The following NAA11 variants were observed in gnomAD, a reference collection of about 807,000 sequenced individuals.
NAA11 encodes the protein N-alpha-acetyltransferase 11, NatA catalytic subunit.
In NAA11, 15 loss-of-function variants were observed where a neutral mutation model predicts 16.1. The ratio of observed to expected loss-of-function variants is 0.93; its 90% CI spans 0.62 to 1.44. The LOEUF is 1.44. Ranked by LOEUF, NAA11 falls within the 40% of genes most tolerant of loss-of-function variation. The probability of loss-of-function intolerance (pLI) is 0.00; values close to 1 mark genes in which losing one functional copy is unlikely to be tolerated. For missense variants in NAA11, 298 were observed against 291.3 expected (o/e 1.02, Z -0.17); for synonymous variants, 122 against 112.4 (o/e 1.09, Z -0.54).
chr4:79,245,705 G>A (rs1721801980), intron 2 of NAA11, among the ~76,000 whole-genome samples: 1 of 151,152 alleles, frequency 6.6e-6, no homozygotes. Flanking sequence ...GTCTCTGCCT[G>A]TTCGCCCCCT....
At chr4:79,260,016 A>G (rs1052176995) in intron 2 of NAA11, among the ~76,000 whole-genome samples, 1 of 152,186 alleles carries the variant, frequency 6.6e-6, no homozygotes, top group Non-Finnish European at 1.5e-5. Context: ...ACTCATGCTT[A>G]ATTGTAGGCT....
At chr4:79,238,265 A>G (rs2109959644) in intron 2 of NAA11, among the ~76,000 whole-genome samples, 1 of 152,334 alleles carries the variant, frequency 6.6e-6, no homozygotes, top group Non-Finnish European at 1.5e-5. Flanking sequence ...CAATTTTCTG[A>G]ATTAAAAAAG....
intron 2 of NAA11, among the ~76,000 whole-genome samples, chr4:79,267,425 ACT>A (rs1476360754): frequency 2.0e-5 from 3 of 152,120 alleles, no homozygotes; most frequent in Admixed American, 6.5e-5. Flanking sequence ...TGAGATTCAG[ACT>A]CTGAACATTT....
intron 1 of NAA11, among the ~76,000 whole-genome samples, chr4:79,308,018 C>G (rs1327546329): frequency 6.6e-6 from 1 of 151,850 alleles, no homozygotes; most frequent in African/African-American, 2.4e-5. Context: ...TGGGAAACAC[C>G]AAGATAATTA....
At chr4:79,273,552 G>A (rs1722549094) in intron 2 of NAA11, among the ~76,000 whole-genome samples, 2 of 151,890 alleles carry the variant, frequency 1.3e-5, no homozygotes, top group African/African-American at 4.8e-5. Context: ...AGGTACCACT[G>A]GTCTTTTTAA....
the NAA11 span, chr4:79,196,013 A>T: frequency 1.3e-5 from 2 of 152,218 alleles, no homozygotes; most frequent in African/African-American, 4.8e-5. Context: ...ATGGACTAAT[A>T]CACCTGCCAT....
rs1442682535 is a variant in NAA11, at chr4:79,243,751, C to T, written c.*123-17481G>A. Among the ~76,000 whole-genome samples the T allele has an allele frequency of 2.6e-5, 4 of 152,014 alleles. No individual in the cohort carries two copies. The East Asian group carries it at 7.7e-4, about 29-fold the overall frequency. ...AAAGAGATCGAAGCAAGTTTCAGAGCAGGAGTGGAAGTTTATTTAAAAGGC... is the reference window on the plus strand; with the variant it reads ...AAAGAGATCGAAGCAAGTTTCAGAGTAGGAGTGGAAGTTTATTTAAAAGGC... On this transcript the variant is annotated intron_variant and NMD_transcript_variant, in intron 2 of 2. Coordinates refer to the NAA11 transcript ENST00000511542.
chr4:79,312,434 T>C (rs997928888), downstream of NAA11, among the ~76,000 whole-genome samples: 5 of 152,042 alleles, frequency 3.3e-5, no homozygotes, highest in East Asian at 1.9e-4. Context: ...GTAGATCACC[T>C]GAGGTTAGGA....
At position 79,285,101 on chromosome 4, in the gene NAA11, T is replaced by C. The variant is rs528993787; in HGVS notation, c.*122+8904A>G. 7.2e-5 allele frequency among the ~76,000 whole-genome samples: 11 copies of C among 152,202 alleles called. No individual in the cohort carries two copies. The South Asian group carries it at 1.7e-3, about 23-fold the overall frequency. ...GTAGATGGTGGTCTTAAGTTGCAAG[T>C]TGCTTTTACGCTAACACCTGTCAGC... On this transcript the variant is annotated intron_variant and NMD_transcript_variant, in intron 2 of 2. Coordinates refer to the NAA11 transcript ENST00000511542.
the NAA11 span, among the ~76,000 whole-genome samples, chr4:79,189,145 C>CAAAAAAAAAAAAAACA: frequency 4.7e-5 from 2 of 42,298 alleles, no homozygotes; most frequent in East Asian, 2.3e-3. Context: ...GACTCCATCT[C>CAAAAAAAAAAAAAACA]AAAAAAAAAA....
At chr4:79,159,164 GAGA>G in the NAA11 span, among the ~76,000 whole-genome samples, 39 of 152,332 alleles carry the variant, frequency 2.6e-4, 1 homozygote, top group African/African-American at 8.9e-4. Flanking sequence ...CACAGAGTGG[GAGA>G]AGATCTTTGC....
the NAA11 span, among the ~76,000 whole-genome samples, chr4:79,165,085 G>A: frequency 7.9e-5 from 12 of 152,326 alleles, no homozygotes; most frequent in East Asian, 9.6e-4. Flanking sequence ...TGCATATGCC[G>A]GAGCTGGGAA....
At chr4:79,241,957 C>T (rs1009628827) in intron 2 of NAA11, among the ~76,000 whole-genome samples, 1 of 152,152 alleles carries the variant, frequency 6.6e-6, no homozygotes, top group Non-Finnish European at 1.5e-5. Flanking sequence ...TTGTAGTTGG[C>T]ATGATGTTAA....
the NAA11 span, among the ~76,000 whole-genome samples, chr4:79,176,184 G>A: frequency 6.6e-6 from 1 of 152,086 alleles, no homozygotes; most frequent in Admixed American, 6.6e-5. Context: ...AGAGCCTGCT[G>A]GTTTTGACCT....
chr4:79,229,932 C>T lies in NAA11; in HGVS notation c.*123-3662G>A, dbSNP rs184372015. On this transcript the variant is annotated intron_variant and NMD_transcript_variant, in intron 2 of 2. Transcript: ENST00000511542. ...TGTGAAACAAATCAAGATGCTGCCA[C>T]ATTTATTGGTACCTAGTCTATATTT... Among the ~76,000 whole-genome samples the T allele has an allele frequency of 2.2e-4, 33 of 152,054 alleles. No homozygotes were observed. The East Asian group carries it at 6.2e-3, about 29-fold the overall frequency.
the NAA11 span, among the ~76,000 whole-genome samples, chr4:79,170,317 T>G: frequency 6.6e-6 from 1 of 152,348 alleles, no homozygotes; most frequent in Admixed American, 6.5e-5. Flanking sequence ...TCACCAGTCT[T>G]GCTTCCACCT....
At chr4:79,197,933 G>A in the NAA11 span, among the ~76,000 whole-genome samples, 1 of 151,926 alleles carries the variant, frequency 6.6e-6, no homozygotes, top group Admixed American at 6.6e-5. Context: ...GTGTGGGTGA[G>A]TAGATAGGAA....
chr4:79,186,497 CA>C, the NAA11 span, among the ~76,000 whole-genome samples: 2 of 152,098 alleles, frequency 1.3e-5, no homozygotes, highest in African/African-American at 4.8e-5. Flanking sequence ...GGACTGTGGA[CA>C]GGGGCATCAT....
At chr4:79,298,058 C>T (rs764761388) in intron 1 of NAA11, among the ~76,000 whole-genome samples, 12 of 152,308 alleles carry the variant, frequency 7.9e-5, no homozygotes, top group Admixed American at 2.6e-4. Context: ...AGAGGAGCTA[C>T]GTTTTCTGCT....
Sources: allele counts gnomAD v4.1 joint callset (sites outside exome capture counted in the v4.1 genomes callset), GRCh38; gene constraint gnomAD v4.1.1; transcripts MANE v1.5; gene names NCBI Gene and HGNC (gene_info 2026-07-23, HGNC 2026-07-21).